Variants in PRKCE observed in about 807,000 individuals in gnomAD.
PRKCE encodes protein kinase C epsilon.
PRKCE carries 16 observed loss-of-function variants against 85.4 expected under a neutral mutation model. The ratio of observed to expected loss-of-function variants is 0.19; its 90% CI spans 0.13 to 0.28. The LOEUF is 0.28. Among genes scored for constraint, PRKCE ranks in the 10% least tolerant of loss-of-function variants. The probability of loss-of-function intolerance (pLI) is 1.00; values close to 1 mark genes in which losing one functional copy is unlikely to be tolerated. For synonymous variants in PRKCE, 388 were observed against 371.5 expected (o/e 1.04, Z -0.51); for missense variants, 573 against 975.2 (o/e 0.59, Z 5.49).
intron 1 of PRKCE, chr2:45,674,739 A>G (rs995843063): frequency 3.9e-5 from 6 of 152,276 alleles, no homozygotes; most frequent in African/African-American, 1.4e-4. Flanking sequence ...AATGGAAAAG[A>G]GAAGATGCTT....
At chr2:45,682,312 G>A (rs1384098376) in intron 1 of PRKCE, among the ~76,000 whole-genome samples, 1 of 152,068 alleles carries the variant, frequency 6.6e-6, no homozygotes, top group East Asian at 1.9e-4. Context: ...GATGAGCACC[G>A]ATTTTACAGA....
chr2:45,761,420 T>C (rs940483644), intron 1 of PRKCE, among the ~76,000 whole-genome samples: 1 of 151,696 alleles, frequency 6.6e-6, no homozygotes, highest in African/African-American at 2.4e-5. Flanking sequence ...ATAGCTGCCA[T>C]GTGTTAAGTA....
chr2:46,113,657 G>T (rs537545147), intron 11 of PRKCE, among the ~76,000 whole-genome samples: 3 of 152,192 alleles, frequency 2.0e-5, no homozygotes, highest in African/African-American at 7.2e-5. Context: ...AGAGTTTGCA[G>T]TCCCTGGCTT....
intron 1 of PRKCE, among the ~76,000 whole-genome samples, chr2:45,817,177 A>T (rs1689132618): frequency 6.7e-6 from 1 of 148,614 alleles, no homozygotes; most frequent in South Asian, 2.1e-4. Flanking sequence ...CCTGCCTGCA[A>T]CCCTAGGCCT....
intron 1 of PRKCE, among the ~76,000 whole-genome samples, chr2:45,745,937 A>G (rs1683100032): frequency 6.6e-6 from 1 of 152,226 alleles, no homozygotes; most frequent in Admixed American, 6.5e-5. Flanking sequence ...ATGTCGTCAC[A>G]AGCCTCTGGA....
rs1303377172 is a variant in PRKCE, at chr2:45,843,050, G to A, written c.399G>A (p.Gly133=). 7 of 1,614,060 alleles carry A rather than the reference G, an allele frequency of 4.3e-6. No individual in the cohort carries two copies. The highest frequency in any genetic ancestry group is 4.2e-6 in the Non-Finnish European group (5 of 1,180,000). ...GRVYVIIDLS[G]SSGEAPKDNE... Reference sequence around the variant, plus strand: ...TGTATGTGATCATCGATCTCTCAGGGTCGTCGGGTGAAGGTAGGAGAGCGT... The same window carrying A: ...TGTATGTGATCATCGATCTCTCAGGATCGTCGGGTGAAGGTAGGAGAGCGT... The change falls in exon 2 of 15, where the codon GGG becomes GGA. Residue 133 remains glycine, a synonymous_variant. Coordinates refer to ENST00000306156, the MANE Select transcript of PRKCE (RefSeq NM_005400.3).
Position 45,782,110 on chromosome 2 carries a change from C to T in PRKCE, c.349-60890C>T, listed in dbSNP as rs367733809. Among the ~76,000 whole-genome samples the T allele has an allele frequency of 1.7e-3, 261 of 152,192 alleles. 1 individual carries two copies. Among genetic ancestry groups the T allele is most frequent in the African/African-American group, 6.0e-3 (251 of 41,524 alleles). ...AGGGCCAGCCTTCATAGATGCAGTC[C>T]GTGAAAGTGTTTCTCCTTAAGTCTG... is the stretch of plus-strand genomic sequence containing the variant. On this transcript the variant is annotated intron_variant, in intron 1 of 14. Transcript: ENST00000306156.
At chr2:45,993,135 TC>T (rs1290057144) in intron 6 of PRKCE, among the ~76,000 whole-genome samples, 1 of 137,414 alleles carries the variant, frequency 7.3e-6, no homozygotes, top group Non-Finnish European at 1.6e-5. Flanking sequence ...GCCTTGGTGC[TC>T]CCCAGTAGTG....
chr2:45,677,915 C>T lies in PRKCE; in HGVS notation c.348+25467C>T, dbSNP rs373052421. 14 of 984,866 alleles carry T rather than the reference C, an allele frequency of 1.4e-5. No individual in the cohort carries two copies. In the African/African-American group the frequency reaches 2.3e-4, roughly 16 times the overall value. 61.0% of individuals were successfully genotyped at this position (984,866 alleles called of 1,614,324 possible). A position where few individuals can be genotyped will look rare whatever the true frequency, so the allele number is the denominator to read the frequency against. ...GAAGTTCTGAAGGGGTAGTGGGAACCGGTAGGAGCATATCAGTAGCTTTCC... is the reference window on the plus strand; with the variant it reads ...GAAGTTCTGAAGGGGTAGTGGGAACTGGTAGGAGCATATCAGTAGCTTTCC... On this transcript the variant is annotated intron_variant, in intron 1 of 14. Coordinates refer to ENST00000306156, the MANE Select transcript of PRKCE (RefSeq NM_005400.3).
At chr2:45,747,345 T>C (rs1683222844) in intron 1 of PRKCE, among the ~76,000 whole-genome samples, 2 of 152,204 alleles carry the variant, frequency 1.3e-5, no homozygotes, top group African/African-American at 4.8e-5. Context: ...CCAGTACCTA[T>C]TAAACACTAA....
chr2:45,734,198 C>A (rs1255584769), intron 1 of PRKCE, among the ~76,000 whole-genome samples: 1 of 152,074 alleles, frequency 6.6e-6, no homozygotes, highest in African/African-American at 2.4e-5. Context: ...AACCCCGTCT[C>A]TACTAAAAAT....
At chr2:46,014,094 G>A (rs918707742) in intron 10 of PRKCE, among the ~76,000 whole-genome samples, 6 of 152,282 alleles carry the variant, frequency 3.9e-5, no homozygotes, top group Admixed American at 1.3e-4. Context: ...CCGCTCCATG[G>A]GATCTAGAAA....
In PRKCE at chr2:45,968,773, G is replaced by A. The variant is rs958267688; in HGVS notation, c.413-7656G>A. The stretch of plus-strand genomic sequence containing the variant: ...CCAGCTTGCTTTTTGTGTGGGAGGA[G>A]ACGTGGTGGGTAAGAGAAAGGACAG... On this transcript the variant is annotated intron_variant, in intron 2 of 14. Coordinates refer to ENST00000306156, the MANE Select transcript of PRKCE (RefSeq NM_005400.3). Among the ~76,000 whole-genome samples the A allele has an allele frequency of 7.9e-5, 12 of 152,268 alleles. 1 individual carries two copies. The highest frequency in any genetic ancestry group is 2.6e-4 in the Admixed American group (4 of 15,290).
chr2:46,078,626 C>G (rs554396780), intron 10 of PRKCE: 9 of 152,130 alleles, frequency 5.9e-5, no homozygotes, highest in African/African-American at 1.7e-4. Context: ...CTACCTATGT[C>G]CTGGATCTAT....
In PRKCE at chr2:45,697,942, C is replaced by T. The variant is rs1360186219; in HGVS notation, c.348+45494C>T. The T allele has an allele frequency of 6.6e-6, 1 of 152,616 alleles. No individual in the cohort carries two copies. Among genetic ancestry groups the T allele is most frequent in the East Asian group, 1.9e-4 (1 of 5,204 alleles). 9.5% of individuals were successfully genotyped at this position (152,616 alleles called of 1,614,324 possible). A position where few individuals can be genotyped will look rare whatever the true frequency, so the allele number is the denominator to read the frequency against. ...ACACTCTTGCACACATCTTCCTAGA[C>T]AGGGTGAATGGAAAGCAGCCCTTTG... is the stretch of plus-strand genomic sequence containing the variant. On this transcript the variant is annotated intron_variant, in intron 1 of 14. Transcript: ENST00000306156. This position sits in a 1 kb window ranked among gnomAD's most constrained non-coding sequence, Gnocchi z 4.2.
At chr2:45,940,936 G>T (rs1431972667) in intron 2 of PRKCE, among the ~76,000 whole-genome samples, 1 of 151,536 alleles carries the variant, frequency 6.6e-6, no homozygotes, top group Non-Finnish European at 1.5e-5. Flanking sequence ...CATGGTGACA[G>T]GTGCCTGTAA....
At chr2:45,940,781 G>T (rs937028646) in intron 2 of PRKCE, among the ~76,000 whole-genome samples, 1 of 152,034 alleles carries the variant, frequency 6.6e-6, no homozygotes, top group African/African-American at 2.4e-5. Context: ...GCACCTGGCC[G>T]GGCGTGGTGG....
At chr2:45,784,323 C>A (rs532144655) in intron 1 of PRKCE, among the ~76,000 whole-genome samples, 2 of 152,228 alleles carry the variant, frequency 1.3e-5, no homozygotes, top group African/African-American at 4.8e-5. Flanking sequence ...GCGTGAGGGC[C>A]ACTTGCGGGT....
At chr2:46,010,246 A>T (rs1326033829) in intron 9 of PRKCE, 98 bp from the exon 10 acceptor site, 29 of 1,328,050 alleles carry the variant, frequency 2.2e-5, no homozygotes, top group Non-Finnish European at 2.9e-5. Flanking sequence ...AATTAAAGAA[A>T]AAACAGAATT....
Sources: gnomAD v4.1 joint callset for allele counts (sites outside exome capture counted in the v4.1 genomes callset) on GRCh38, gnomAD v4.1.1 for gene constraint, Gnocchi (gnomAD v3.1) non-coding constraint, MANE v1.5 for transcripts, NCBI Gene and HGNC (gene_info 2026-07-23, HGNC 2026-07-21) for gene names.